Variants in SLC36A1 observed in about 807,000 individuals in gnomAD.
SLC36A1 encodes proton-coupled amino acid transporter 1.
In SLC36A1, 30 loss-of-function variants were observed where a neutral mutation model predicts 47.5. The ratio of observed to expected loss-of-function variants is 0.63; its 90% CI spans 0.47 to 0.86. SLC36A1 has a LOEUF of 0.86. Among genes scored for constraint, SLC36A1 ranks in the 40% least tolerant of loss-of-function variants. SLC36A1 has a pLI of 0.00. For missense variants in SLC36A1, 517 were observed against 606.0 expected (o/e 0.85, Z 1.54); for synonymous variants, 255 against 249.7 (o/e 1.02, Z -0.20).
the SLC36A1 span, among the ~76,000 whole-genome samples, chr5:151,499,205 G>A: frequency 6.6e-6 from 1 of 152,212 alleles, no homozygotes; most frequent in Non-Finnish European, 1.5e-5. Flanking sequence ...TTTTAAAATT[G>A]TCTTTTTGCA....
chr5:151,380,417 G>T, the SLC36A1 span: 1 of 401,230 alleles, frequency 2.5e-6, no homozygotes, highest in East Asian at 5.9e-5. Flanking sequence ...AAACCCAAAG[G>T]AAGAAGCAGA....
chr5:151,347,459 A>G, the SLC36A1 span: 1 of 1,613,894 alleles, frequency 6.2e-7, no homozygotes, highest in Non-Finnish European at 8.5e-7. Context: ...TGTCACAGAC[A>G]TGACTGCTTA....
rs917002599 is a variant in SLC36A1 at position 151,447,786 on chromosome 5, C to T, written c.-33C>T. ...CCGCCTTGGGCAGGACCCACCTCGC[C>T]TTCCTCCCGGCGTGGCAGATGCTCC... On this transcript the variant is annotated 5_prime_UTR_variant, in exon 1 of 11. Coordinates refer to ENST00000243389, the MANE Select transcript of SLC36A1 (RefSeq NM_078483.4). 2.2e-4 allele frequency: 34 copies of T among 152,320 alleles called. No individual in the cohort carries two copies. The highest frequency in any genetic ancestry group is 8.0e-4 in the African/African-American group (33 of 41,476). 9.4% of individuals were successfully genotyped at this position (152,320 alleles called of 1,614,324 possible).
chr5:151,408,212 G>A, the SLC36A1 span, among the ~76,000 whole-genome samples: 4 of 151,722 alleles, frequency 2.6e-5, no homozygotes, highest in South Asian at 2.1e-4. Context: ...TTTTTGAGAC[G>A]GAGTCTCACT....
the SLC36A1 span, among the ~76,000 whole-genome samples, chr5:151,506,461 C>T: frequency 1.4e-5 from 2 of 148,050 alleles, no homozygotes; most frequent in African/African-American, 4.9e-5. Context: ...AACACACACA[C>T]AGTTTGGACT....
rs1276984052 is a variant in SLC36A1 at position 151,467,110 on chromosome 5, AAAAAAC to A, written c.420-77_420-72del. The A allele has an allele frequency of 2.5e-5, 26 of 1,052,134 alleles. 1 individual carries two copies. The Admixed American group carries it at 5.5e-4, about 22-fold the overall frequency. The allele number at this position is 1,052,134 out of a possible 1,614,324, so 65.2% of individuals were successfully genotyped here. A position where few individuals can be genotyped will look rare whatever the true frequency, so the allele number is the denominator to read the frequency against. Reference sequence around the variant, plus strand: ...AGCACTTGTACTCCCTAAATCTATTAAAAAACAAAAACAAAAAACACCTCCCCTTCT... The same window carrying A: ...AGCACTTGTACTCCCTAAATCTATTAAAAAACAAAAAACACCTCCCCTTCT... On this transcript the variant is annotated intron_variant, in intron 5 of 10. Coordinates refer to ENST00000243389, the MANE Select transcript of SLC36A1 (RefSeq NM_078483.4).
the SLC36A1 span, chr5:151,526,067 T>C: frequency 2.7e-6 from 3 of 1,103,720 alleles, no homozygotes; most frequent in Non-Finnish European, 4.0e-6. Context: ...CTCAGCACTC[T>C]GACTGCTTGT....
At chr5:151,534,970 A>AATATATATATATATATATATAT in the SLC36A1 span, among the ~76,000 whole-genome samples, 951 of 106,102 alleles carry the variant, frequency 9.0e-3, 38 homozygotes, top group Admixed American at 0.014. Context: ...CTTCTAGGAA[A>AATATATATATATATATATATAT]ATATATATAT....
chr5:151,553,006 G>C, the SLC36A1 span, among the ~76,000 whole-genome samples: 1 of 152,240 alleles, frequency 6.6e-6, no homozygotes, highest in Non-Finnish European at 1.5e-5. Context: ...CATTCTTACT[G>C]CCTGTGCTCC....
At chr5:151,426,167 G>A in the SLC36A1 span, among the ~76,000 whole-genome samples, 1 of 152,214 alleles carries the variant, frequency 6.6e-6, no homozygotes, top group Non-Finnish European at 1.5e-5. Context: ...AAGGGGGCCA[G>A]CCCCTCCACA....
At chr5:151,545,473 A>T in the SLC36A1 span, 1 of 1,614,170 alleles carries the variant, frequency 6.2e-7, no homozygotes, top group South Asian at 1.1e-5. Flanking sequence ...GCCTGGATGG[A>T]TAGGCCCGAC....
At chr5:151,526,068 G>T in the SLC36A1 span, 1 of 1,103,218 alleles carries the variant, frequency 9.1e-7, no homozygotes, top group South Asian at 1.4e-5. Context: ...TCAGCACTCT[G>T]ACTGCTTGTA....
chr5:151,510,642 G>C, the SLC36A1 span: 4 of 152,868 alleles, frequency 2.6e-5, no homozygotes, highest in African/African-American at 9.7e-5. Context: ...TAGACAGCTA[G>C]CTATAATATC....
chr5:151,544,102 T>C, the SLC36A1 span: 2 of 1,614,102 alleles, frequency 1.2e-6, no homozygotes, highest in Non-Finnish European at 1.7e-6. Flanking sequence ...AAAGTGTTGT[T>C]GGGCTTCATA....
the SLC36A1 span, chr5:151,542,714 C>G: frequency 6.2e-7 from 1 of 1,614,244 alleles, no homozygotes; most frequent in Non-Finnish European, 8.5e-7. Context: ...TCAGTGAGGA[C>G]AGCCTTATAT....
chr5:151,506,003 C>T, the SLC36A1 span: 1,969 of 1,575,158 alleles, frequency 1.3e-3, 4 homozygotes, highest in Admixed American at 3.0e-3. Flanking sequence ...GAGCCGAGGG[C>T]GGCAGAGGGC....
Position 151,473,702 on chromosome 5 carries a change from G to C in SLC36A1, c.753G>C (p.Leu251Phe). The C allele has an allele frequency of 1.2e-6, 2 of 1,613,774 alleles. No homozygotes were observed. The change falls in exon 8 of 11, where the codon TTG (leucine) becomes TTC (phenylalanine). Residue 251 changes from leucine to phenylalanine, a missense_variant. Leu to Phe is a conservative substitution (Grantham distance 22, BLOSUM62 0). Transcript: ENST00000243389. ...TCCCAGACCCCAGCCACCTCCCCTT[G>C]GTGGCCCCTTGGAAGACCTACCCTC... ...QRIPDPSHLP[L>F]VAPWKTYPLF...
chr5:151,517,821 T>C, the SLC36A1 span: 1 of 1,596,262 alleles, frequency 6.3e-7, no homozygotes, highest in Non-Finnish European at 8.6e-7. Flanking sequence ...ATTGAGCCCT[T>C]GGACTGACTT....
At chr5:151,541,572 G>T in the SLC36A1 span, among the ~76,000 whole-genome samples, 1 of 152,188 alleles carries the variant, frequency 6.6e-6, no homozygotes, top group Non-Finnish European at 1.5e-5. Flanking sequence ...GGGGGGACAT[G>T]GCACCTGGGG....
Sources: allele counts gnomAD v4.1 joint callset (sites outside exome capture counted in the v4.1 genomes callset), GRCh38; gene constraint gnomAD v4.1.1; transcripts MANE v1.5; gene names NCBI Gene and HGNC (gene_info 2026-07-23, HGNC 2026-07-21).